The following EPHA3 variants were observed in gnomAD, a reference collection of about 807,000 sequenced individuals.
EPHA3 encodes EPH receptor A3.
In EPHA3, 42 loss-of-function variants were observed where a neutral mutation model predicts 107.1. The observed-to-expected ratio is 0.39, with a 90% CI of 0.31 to 0.51. The LOEUF (loss-of-function observed/expected upper bound fraction) is 0.51. EPHA3 is among the 20% of genes least tolerant of loss of function. The pLI is 0.78. For synonymous variants in EPHA3, 461 were observed against 424.8 expected (o/e 1.09, Z -1.05); for missense variants, 1,183 against 1,211.2 (o/e 0.98, Z 0.35).
At chr3:89,350,496 G>A (rs1409721412) in intron 5 of EPHA3, among the ~76,000 whole-genome samples, 2 of 150,616 alleles carry the variant, frequency 1.3e-5, no homozygotes, top group Non-Finnish European at 3.0e-5. Context: ...CTCTGTATTG[G>A]TTATTCTAGT....
chr3:89,129,800 T>A (rs1704167827), intron 2 of EPHA3, among the ~76,000 whole-genome samples: 1 of 152,094 alleles, frequency 6.6e-6, no homozygotes. Context: ...AGGAAATAGA[T>A]ACTTATAACA....
At chr3:89,289,522 C>G (rs1706163415) in intron 3 of EPHA3, among the ~76,000 whole-genome samples, 1 of 152,010 alleles carries the variant, frequency 6.6e-6, no homozygotes, top group African/African-American at 2.4e-5. Flanking sequence ...TATCTGAGAG[C>G]CTTGAGCCAA....
chr3:89,369,186 C>G (rs1367857495), intron 5 of EPHA3, among the ~76,000 whole-genome samples: 1 of 150,624 alleles, frequency 6.6e-6, no homozygotes, highest in African/African-American at 2.4e-5. Flanking sequence ...GAGCCCGCAT[C>G]ACCAAGTCAA....
intron 3 of EPHA3, among the ~76,000 whole-genome samples, chr3:89,225,116 T>C (rs184257911): frequency 3.3e-5 from 5 of 152,216 alleles, no homozygotes; most frequent in Admixed American, 2.6e-4. Context: ...GGAATAGCTA[T>C]GTTAAGATCT....
intron 2 of EPHA3, among the ~76,000 whole-genome samples, chr3:89,202,615 T>A (rs1238293081): frequency 6.6e-6 from 1 of 150,400 alleles, no homozygotes; most frequent in Non-Finnish European, 1.5e-5. Flanking sequence ...ATTTAAGCTT[T>A]GCACATATAA....
chr3:89,262,451 T>C (rs78952398), intron 3 of EPHA3, among the ~76,000 whole-genome samples: 2 of 152,322 alleles, frequency 1.3e-5, no homozygotes, highest in South Asian at 4.1e-4. Flanking sequence ...TGTAGCTATG[T>C]CACTCTCATT....
intron 1 of EPHA3, among the ~76,000 whole-genome samples, chr3:89,123,821 CAT>C (rs1190113855): frequency 6.6e-6 from 1 of 152,142 alleles, no homozygotes. Flanking sequence ...ATATATTCCA[CAT>C]AGTTTTTTGA....
At chr3:89,137,881 A>T (rs1056906236) in intron 2 of EPHA3, among the ~76,000 whole-genome samples, 3 of 151,922 alleles carry the variant, frequency 2.0e-5, no homozygotes, top group African/African-American at 7.3e-5. Flanking sequence ...GTTACCTTTA[A>T]ACTTGTATAC....
chr3:89,325,055 G>T (rs1707135023), intron 3 of EPHA3, among the ~76,000 whole-genome samples: 1 of 152,080 alleles, frequency 6.6e-6, no homozygotes. Context: ...TGGTTGCGTG[G>T]TGTCCCACTG....
At chr3:89,148,663 T>C (rs1478704505) in intron 2 of EPHA3, among the ~76,000 whole-genome samples, 2 of 151,974 alleles carry the variant, frequency 1.3e-5, no homozygotes, top group Admixed American at 6.6e-5. Flanking sequence ...AAAACAAAAA[T>C]GGCTATTTTA....
At chr3:89,288,112 T>C (rs562460704) in intron 3 of EPHA3, among the ~76,000 whole-genome samples, 1 of 152,184 alleles carries the variant, frequency 6.6e-6, no homozygotes, top group South Asian at 2.1e-4. Flanking sequence ...TTTTGTAAGA[T>C]TCTACAAAAG....
chr3:89,219,399 G>T lies in EPHA3; in HGVS notation c.814+8879G>T, dbSNP rs1438700548. 2.0e-5 allele frequency among the ~76,000 whole-genome samples: 3 copies of T among 152,056 alleles called. No homozygotes were observed. In the East Asian group the frequency reaches 5.9e-4, roughly 30 times the overall value. Reference sequence around the variant, plus strand: ...GCTGGTCTCAAACTCTCCACCTCAGGTGATCTGCCTGCCTTGGCCTCCCAA... The same window carrying T: ...GCTGGTCTCAAACTCTCCACCTCAGTTGATCTGCCTGCCTTGGCCTCCCAA... On this transcript the variant is annotated intron_variant, in intron 3 of 16. Transcript: ENST00000336596.
At chr3:89,161,201 A>G (rs1704932453) in intron 2 of EPHA3, among the ~76,000 whole-genome samples, 1 of 148,062 alleles carries the variant, frequency 6.8e-6, no homozygotes, top group Non-Finnish European at 1.5e-5. Context: ...ACCATGCCAT[A>G]TTAGAAACTA....
At chr3:89,289,170 C>T (rs984316408) in intron 3 of EPHA3, among the ~76,000 whole-genome samples, 1 of 152,132 alleles carries the variant, frequency 6.6e-6, no homozygotes, top group Non-Finnish European at 1.5e-5. Flanking sequence ...AGAAAGCAAT[C>T]TCTATCTACC....
At chr3:89,137,275 A>T (rs1182751389) in intron 2 of EPHA3, among the ~76,000 whole-genome samples, 5 of 151,960 alleles carry the variant, frequency 3.3e-5, no homozygotes, top group Admixed American at 6.6e-5. Context: ...ACCCTGATGG[A>T]AAGGAGTTTC....
At chr3:89,281,168 C>CCCACGCCG (rs1314806618) in intron 3 of EPHA3, among the ~76,000 whole-genome samples, 2 of 152,072 alleles carry the variant, frequency 1.3e-5, no homozygotes, top group Admixed American at 6.6e-5. Context: ...GGACTACAGG[C>CCCACGCCG]CCACGCCGCC....
intron 3 of EPHA3, among the ~76,000 whole-genome samples, chr3:89,237,912 C>G (rs567234525): frequency 6.6e-6 from 1 of 150,858 alleles, no homozygotes; most frequent in African/African-American, 2.4e-5. Flanking sequence ...TCAGAAGTTT[C>G]AGGATGAAGT....
At chr3:89,429,847 C>A (rs1203163233) in intron 12 of EPHA3, among the ~76,000 whole-genome samples, 5 of 151,966 alleles carry the variant, frequency 3.3e-5, no homozygotes, top group Admixed American at 6.6e-5. Flanking sequence ...CACTGCAATC[C>A]CCGCCTGCTG....
At chr3:89,299,926 G>A (rs1369986312) in intron 3 of EPHA3, among the ~76,000 whole-genome samples, 2 of 151,978 alleles carry the variant, frequency 1.3e-5, no homozygotes. Flanking sequence ...GTATTGCAAT[G>A]TTCTACATAT....
Sources: allele counts gnomAD v4.1 joint callset (sites outside exome capture counted in the v4.1 genomes callset), GRCh38; gene constraint gnomAD v4.1.1; transcripts MANE v1.5; gene names NCBI Gene and HGNC (gene_info 2026-07-23, HGNC 2026-07-21).